DPH6: variants seen among roughly 807,000 people sequenced by gnomAD.
DPH6 encodes diphthine--ammonia ligase.
DPH6 carries 33 observed loss-of-function variants against 38.2 expected under a neutral mutation model. That is an observed-to-expected ratio of 0.86 (90% confidence interval 0.65 to 1.15). DPH6 has a LOEUF of 1.15. DPH6 is among the 50% of genes most tolerant of loss of function. The pLI, the probability that DPH6 is intolerant of heterozygous loss-of-function variation, is 0.00. For synonymous variants in DPH6, 108 were observed against 103.0 expected, an observed-to-expected ratio of 1.05 and a Z score of -0.30; for missense variants, 325 against 320.0, an observed-to-expected ratio of 1.02 and a Z score of -0.12.
intron 3 of DPH6, among the ~76,000 whole-genome samples, chr15:35,266,600 A>G (rs1006950567): frequency 1.3e-5 from 2 of 152,212 alleles, no homozygotes; most frequent in Non-Finnish European, 2.9e-5. Context: ...CTAGTTCGAT[A>G]ATGCCTGTTA....
At chr15:35,278,611 G>C (rs373785053) in intron 3 of DPH6, among the ~76,000 whole-genome samples, 54 of 152,194 alleles carry the variant, frequency 3.5e-4, no homozygotes, top group African/African-American at 1.2e-3. Flanking sequence ...GGCAGCAGCA[G>C]CTTGCATCCT....
intron 3 of DPH6, among the ~76,000 whole-genome samples, chr15:35,497,228 T>C (rs187690814): frequency 8.7e-4 from 133 of 152,296 alleles, no homozygotes; most frequent in African/African-American, 3.1e-3. Context: ...CATTACATTC[T>C]TAGAAATGGT....
intron 3 of DPH6, among the ~76,000 whole-genome samples, chr15:35,531,141 C>T (rs757417169): frequency 9.2e-5 from 14 of 152,156 alleles, no homozygotes; most frequent in Non-Finnish European, 1.8e-4. Context: ...GCCTCAGAGC[C>T]ACCCAACAAT....
At chr15:35,458,953 A>G (rs1156602141) in intron 3 of DPH6, among the ~76,000 whole-genome samples, 1 of 152,218 alleles carries the variant, frequency 6.6e-6, no homozygotes, top group East Asian at 1.9e-4. Context: ...ACCTGGAGAG[A>G]GATAAGGAGA....
intron 3 of DPH6, among the ~76,000 whole-genome samples, chr15:35,462,173 C>T (rs1046527372): frequency 3.3e-5 from 5 of 152,210 alleles, no homozygotes; most frequent in Middle Eastern, 6.8e-3. Context: ...CCACTACTAC[C>T]ACTCTAGTCC....
intron 3 of DPH6, among the ~76,000 whole-genome samples, chr15:35,245,528 A>G (rs318341): frequency 0.65 from 98,349 of 152,056 alleles, 33,415 homozygotes; most frequent in Non-Finnish European, 0.77. Context: ...GTGAGCCACC[A>G]CGCTGGCGGG....
chr15:35,480,556 C>A (rs1024376035), intron 3 of DPH6, among the ~76,000 whole-genome samples: 2 of 151,858 alleles, frequency 1.3e-5, no homozygotes, highest in Non-Finnish European at 1.5e-5. Flanking sequence ...CACAGAATGG[C>A]CTTTAAAACA....
intron 5 of DPH6, among the ~76,000 whole-genome samples, chr15:35,423,612 T>C (rs2053533347): frequency 6.6e-6 from 1 of 151,570 alleles, no homozygotes; most frequent in Non-Finnish European, 1.5e-5. Flanking sequence ...AAAAAAATCA[T>C]TGTCCAGTCC....
Position 35,450,609 on chromosome 15 carries a change from C to T in DPH6, c.505+76G>A, listed in dbSNP as rs529483952. 5 of 1,180,916 alleles carry T rather than the reference C, an allele frequency of 4.2e-6. No individual in the cohort carries two copies. The South Asian group carries it at 5.6e-5, about 13-fold the overall frequency. The allele number at this position is 1,180,916 out of a possible 1,614,324, so 73.2% of individuals were successfully genotyped here. On this transcript the variant is annotated intron_variant, in intron 5 of 8. Transcript: ENST00000256538. ...ATATTCTAAATCAGTTTTCTTTGTT[C>T]ATTTTAACTACTTATTAGTGAACTG...
chr15:35,480,800 G>A (rs2054317184), intron 3 of DPH6, among the ~76,000 whole-genome samples: 1 of 151,806 alleles, frequency 6.6e-6, no homozygotes, highest in South Asian at 2.1e-4. Flanking sequence ...CTTATTTTGG[G>A]TAACCACTGA....
intron 3 of DPH6, among the ~76,000 whole-genome samples, chr15:35,292,234 G>C (rs190952577): frequency 2.0e-5 from 3 of 152,026 alleles, no homozygotes; most frequent in Non-Finnish European, 4.4e-5. Flanking sequence ...AAGTAAACAC[G>C]CTCCAGACAC....
At chr15:35,299,253 G>C in intron 3 of DPH6, 1 of 1,103,750 alleles carries the variant, frequency 9.1e-7, no homozygotes, top group Non-Finnish European at 1.4e-6. Flanking sequence ...AATTTGCCCG[G>C]TCATCTGAGG....
At chr15:35,254,078 A>G (rs2051692048) in intron 3 of DPH6, among the ~76,000 whole-genome samples, 1 of 152,246 alleles carries the variant, frequency 6.6e-6, no homozygotes, top group South Asian at 2.1e-4. Flanking sequence ...TACACTAGAC[A>G]GGTGTTTAAT....
At chr15:35,484,630 G>A (rs1400620230) in intron 3 of DPH6, among the ~76,000 whole-genome samples, 1 of 152,186 alleles carries the variant, frequency 6.6e-6, no homozygotes, top group Non-Finnish European at 1.5e-5. Flanking sequence ...GAGTGGGCAA[G>A]AGAGCAGGAG....
chr15:35,498,298 T>A (rs2054582636), intron 3 of DPH6, among the ~76,000 whole-genome samples: 1 of 152,162 alleles, frequency 6.6e-6, no homozygotes, highest in Non-Finnish European at 1.5e-5. Context: ...GTCCCTTGTT[T>A]ATAACAAGTC....
chr15:35,403,051 G>A (rs944199381), intron 6 of DPH6, among the ~76,000 whole-genome samples: 4 of 151,936 alleles, frequency 2.6e-5, no homozygotes. Flanking sequence ...CATGTTAGAA[G>A]AAAAAGGAGG....
At chr15:35,496,459 G>A (rs369932346) in intron 3 of DPH6, among the ~76,000 whole-genome samples, 7 of 149,692 alleles carry the variant, frequency 4.7e-5, no homozygotes, top group Non-Finnish European at 1.5e-5. Context: ...GGAGGTTGAG[G>A]CAGGAGAATC....
intron 1 of DPH6, among the ~76,000 whole-genome samples, chr15:35,545,748 C>T (rs971375433): frequency 4.6e-5 from 7 of 151,974 alleles, no homozygotes; most frequent in Admixed American, 1.3e-4. Flanking sequence ...CTCCAAACTT[C>T]ACGGCTCATT....
chr15:35,279,132 T>C (rs545010430), intron 3 of DPH6, among the ~76,000 whole-genome samples: 1 of 151,256 alleles, frequency 6.6e-6, no homozygotes, highest in South Asian at 2.1e-4. Flanking sequence ...AGTTTCAGAC[T>C]TGTGTGGGGC....
Sources: gnomAD v4.1 joint callset for allele counts (sites outside exome capture counted in the v4.1 genomes callset) on GRCh38, gnomAD v4.1.1 for gene constraint, MANE v1.5 for transcripts, NCBI Gene and HGNC (gene_info 2026-07-23, HGNC 2026-07-21) for gene names.